LPP: variants seen among roughly 807,000 people sequenced by gnomAD.
LPP encodes the protein lipoma-preferred partner.
Under a neutral mutation model 60.4 loss-of-function variants are expected in LPP, and 38 were observed. The observed-to-expected ratio is 0.63, with a 90% confidence interval of 0.49 to 0.83. The LOEUF (loss-of-function observed/expected upper bound fraction) is 0.83, where lower values mean the gene tolerates loss of function less well. LPP is among the 40% of genes least tolerant of loss of function. The probability of loss-of-function intolerance (pLI) is 0.00; values close to 1 mark genes in which losing one functional copy is unlikely to be tolerated. For synonymous variants in LPP, 328 were observed against 290.8 expected (o/e 1.13, Z -1.30); for missense variants, 902 against 783.6 (o/e 1.15, Z -1.80).
At chr3:188,828,506 T>C (rs1343532463) in intron 9 of LPP, among the ~76,000 whole-genome samples, 3 of 148,688 alleles carry the variant, frequency 2.0e-5, no homozygotes, top group Admixed American at 6.8e-5. Context: ...TCCTAGCTAC[T>C]TGGGAGGCTG....
At chr3:188,547,548 G>C (rs1826977958) in intron 6 of LPP, among the ~76,000 whole-genome samples, 1 of 152,264 alleles carries the variant, frequency 6.6e-6, no homozygotes, top group Middle Eastern at 3.4e-3. Context: ...TTCATGATTT[G>C]CAAGAGCTTT....
intron 9 of LPP, among the ~76,000 whole-genome samples, chr3:188,791,559 T>C (rs1426178586): frequency 6.9e-6 from 1 of 144,814 alleles, no homozygotes; most frequent in Non-Finnish European, 1.5e-5. Context: ...GCCTCATTTC[T>C]TTTTTTTTTT....
At chr3:188,196,794 A>G (rs1664955405) in intron 1 of LPP, among the ~76,000 whole-genome samples, 1 of 152,178 alleles carries the variant, frequency 6.6e-6, no homozygotes, top group South Asian at 2.1e-4. Flanking sequence ...ACTAATCTCC[A>G]AGATGATCTT....
chr3:188,604,091 A>T (rs887185891), intron 6 of LPP, among the ~76,000 whole-genome samples: 8 of 152,034 alleles, frequency 5.3e-5, no homozygotes, highest in Non-Finnish European at 7.4e-5. Context: ...AGTAGAAATC[A>T]CTTTTACTCA....
At chr3:188,807,995 T>C (rs193277756) in intron 9 of LPP, among the ~76,000 whole-genome samples, 255 of 152,302 alleles carry the variant, frequency 1.7e-3, no homozygotes, top group African/African-American at 5.9e-3. Context: ...TAAATGAACA[T>C]GCCTTTTCTT....
chr3:188,322,806 A>G (rs1560246970), intron 2 of LPP, among the ~76,000 whole-genome samples: 1 of 152,234 alleles, frequency 6.6e-6, no homozygotes, highest in African/African-American at 2.4e-5. Context: ...CCTGTTTGAC[A>G]TAGACAATGT....
intron 6 of LPP, among the ~76,000 whole-genome samples, chr3:188,573,364 G>T (rs576419753): frequency 6.6e-6 from 1 of 152,156 alleles, no homozygotes; most frequent in East Asian, 1.9e-4. Flanking sequence ...AAGAGATGAG[G>T]TTTGGTGATC....
chr3:188,674,735 A>T (rs116770586), intron 7 of LPP, among the ~76,000 whole-genome samples: 5 of 152,200 alleles, frequency 3.3e-5, no homozygotes, highest in African/African-American at 1.2e-4. Context: ...GAGCCCAGAG[A>T]TATTAAATAC....
intron 6 of LPP, among the ~76,000 whole-genome samples, chr3:188,558,194 C>G (rs943386857): frequency 6.6e-6 from 1 of 152,004 alleles, no homozygotes; most frequent in Admixed American, 6.6e-5. Flanking sequence ...ATAAAAACAC[C>G]AGAACGAAAA....
chr3:188,621,478 T>C (rs898869347), intron 7 of LPP, among the ~76,000 whole-genome samples: 49 of 152,194 alleles, frequency 3.2e-4, no homozygotes, highest in African/African-American at 1.1e-3. Context: ...GCTCCATCTA[T>C]GTTGCTGCAA....
chr3:188,170,417 G>A (rs369863454), intron 1 of LPP, among the ~76,000 whole-genome samples: 13 of 144,306 alleles, frequency 9.0e-5, no homozygotes, highest in African/African-American at 2.3e-4. Flanking sequence ...TGCAACCTCC[G>A]CCTCCCAGGC....
At chr3:188,398,587 A>C (rs1781510668) in intron 3 of LPP, among the ~76,000 whole-genome samples, 1 of 152,234 alleles carries the variant, frequency 6.6e-6, no homozygotes, top group African/African-American at 2.4e-5. Context: ...AGCCCATGGT[A>C]GATCCTGCTT....
intron 5 of LPP, among the ~76,000 whole-genome samples, chr3:188,495,764 C>G (rs1196466465): frequency 6.6e-6 from 1 of 152,138 alleles, no homozygotes; most frequent in Non-Finnish European, 1.5e-5. Flanking sequence ...TCTTTCGGTT[C>G]TTTTGTAATT....
At chr3:188,401,336 G>T (rs988010526) in intron 3 of LPP, among the ~76,000 whole-genome samples, 1 of 152,080 alleles carries the variant, frequency 6.6e-6, no homozygotes, top group East Asian at 1.9e-4. Flanking sequence ...TTTTGGTGCC[G>T]CTGGTCTGAT....
chr3:188,869,222 A>T (rs966816419), intron 10 of LPP, among the ~76,000 whole-genome samples: 1 of 152,172 alleles, frequency 6.6e-6, no homozygotes, highest in Non-Finnish European at 1.5e-5. Context: ...TTACCTTGAG[A>T]TACAGGAGAC....
intron 4 of LPP, among the ~76,000 whole-genome samples, chr3:188,430,300 A>AT (rs1337223470): frequency 3.9e-5 from 6 of 152,192 alleles, no homozygotes; most frequent in East Asian, 3.9e-4. Context: ...TTCCTATGTG[A>AT]TTTTTTTAAC....
intron 7 of LPP, among the ~76,000 whole-genome samples, chr3:188,620,347 G>A (rs193158508): frequency 1.3e-5 from 2 of 152,030 alleles, no homozygotes; most frequent in Admixed American, 1.3e-4. Flanking sequence ...AACCCTCTAA[G>A]TCTAGGTAAC....
At chr3:188,724,786 C>T (rs1387276209) in intron 8 of LPP, among the ~76,000 whole-genome samples, 2 of 152,200 alleles carry the variant, frequency 1.3e-5, no homozygotes, top group African/African-American at 4.8e-5. Context: ...ATAGTTTTAA[C>T]TTTTAACGAT....
At chr3:188,512,887 G>T (rs997552970) in intron 5 of LPP, among the ~76,000 whole-genome samples, 38 of 152,242 alleles carry the variant, frequency 2.5e-4, no homozygotes, top group African/African-American at 9.1e-4. Context: ...TGAAAAATAA[G>T]AAACATGTCT....
Sources: allele counts gnomAD v4.1 joint callset (sites outside exome capture counted in the v4.1 genomes callset), GRCh38; gene constraint gnomAD v4.1.1; transcripts MANE v1.5; gene names NCBI Gene and HGNC (gene_info 2026-07-23, HGNC 2026-07-21).